Variants in MATR3 observed in about 807,000 individuals in gnomAD.
The protein encoded by MATR3 is matrin-3.
A neutral mutation model predicts 85.5 loss-of-function variants in MATR3; 4 were observed. The ratio of observed to expected loss-of-function variants is 0.05; its 90% CI spans 0.02 to 0.11. The LOEUF is 0.11. MATR3 is among the 10% of genes least tolerant of loss of function. The probability of loss-of-function intolerance (pLI) is 1.00; values close to 1 mark genes in which losing one functional copy is unlikely to be tolerated. For missense variants in MATR3, 685 were observed against 1,016.1 expected (o/e 0.67, Z 4.43); for synonymous variants, 336 against 343.1 (o/e 0.98, Z 0.23).
At chr5:139,319,533 A>G (rs1350874966) in intron 9 of MATR3, 32 bp downstream of exon 9, 1 of 1,568,956 alleles carries the variant, frequency 6.4e-7, no homozygotes, top group East Asian at 2.2e-5. Flanking sequence ...TAGAGAAGAT[A>G]ATTTATTAAA....
chr5:139,322,748 G>A lies in MATR3; in HGVS notation c.1929G>A (p.Gln643=), dbSNP rs553655919. The A allele has an allele frequency of 1.2e-6, 2 of 1,614,170 alleles. No homozygotes were observed. The highest frequency in any genetic ancestry group is 1.1e-5 in the South Asian group (1 of 91,080). The part of the protein sequence containing the change: ...EDGEKDTKDD[Q]TEQEPNMLLE... ...GTGAGAAAGACACAAAGGATGACCA[G>A]ACAGAGCAGGAACCTAATATGCTTC... The change falls in exon 12 of 15, where the codon CAG becomes CAA. Residue 643 remains glutamine, a synonymous_variant. Transcript: ENST00000394805.
At chr5:139,303,503 C>T (rs1339430542) in intron 1 of MATR3, among the ~76,000 whole-genome samples, 1 of 152,078 alleles carries the variant, frequency 6.6e-6, no homozygotes, top group Non-Finnish European at 1.5e-5. Context: ...GAGGTCAAGG[C>T]GGGAGGATTG....
intron 1 of MATR3, among the ~76,000 whole-genome samples, chr5:139,301,765 C>T (rs1754458597): frequency 6.6e-6 from 1 of 152,148 alleles, no homozygotes; most frequent in Non-Finnish European, 1.5e-5. Flanking sequence ...GGGTTTACTT[C>T]ATCAATTCTG....
chr5:139,296,593 GCTT>G (rs2151928340), intron 1 of MATR3, among the ~76,000 whole-genome samples: 1 of 152,320 alleles, frequency 6.6e-6, no homozygotes, highest in South Asian at 2.1e-4. Flanking sequence ...CAAACTAGCT[GCTT>G]CAAGTCTGAA....
chr5:139,326,137 G>C, intron 13 of MATR3, 26 bp from the exon 14 acceptor site: 1 of 1,559,828 alleles, frequency 6.4e-7, no homozygotes, highest in Non-Finnish European at 8.8e-7. Context: ...AGTTTAATTT[G>C]TAAGAATGTA....
chr5:139,307,341 T>G lies in MATR3; in HGVS notation c.-75T>G, dbSNP rs1754760931. 1 of 1,553,538 alleles carries G rather than the reference T, an allele frequency of 6.4e-7. No individual in the cohort carries two copies. The highest frequency in any genetic ancestry group is 2.1e-5 in the Admixed American group (1 of 48,748). Reference sequence around the variant, plus strand: ...AGCAAAGTTAACCTAGCTTTCTAGTTTGAGCTTTCTTTTTGGCCGTCTTTA... The same window carrying G: ...AGCAAAGTTAACCTAGCTTTCTAGTGTGAGCTTTCTTTTTGGCCGTCTTTA... On this transcript the variant is annotated 5_prime_UTR_variant, in exon 2 of 15. Transcript: ENST00000394805. This position sits in a 1 kb window ranked among gnomAD's most constrained non-coding sequence, Gnocchi z 4.4.
At chr5:139,291,464 G>C (rs1753867480), upstream of MATR3, among the ~76,000 whole-genome samples, 1 of 150,964 alleles carries the variant, frequency 6.6e-6, no homozygotes, top group Non-Finnish European at 1.5e-5. Flanking sequence ...ATTAGATTGA[G>C]ATAAAGTAAT....
chr5:139,328,314 GAT>G (rs1755962905), intron 14 of MATR3, among the ~76,000 whole-genome samples: 1 of 152,074 alleles, frequency 6.6e-6, no homozygotes, highest in Non-Finnish European at 1.5e-5. Context: ...TTCTTTAAAA[GAT>G]ATAATGGCTT....
Position 139,321,916 on chromosome 5 carries a change from A to G in MATR3, c.1621A>G (p.Thr541Ala). The change falls in exon 10 of 15, where the codon ACA (threonine) becomes GCA (alanine). Residue 541 changes from threonine to alanine, a missense_variant. Around this residue, in one of 9 missense-constraint regions of MATR3, gnomAD observed 50 missense variants for 133.4 expected, o/e 0.37. Transcript: ENST00000394805. ...MKSQAFIEME[T>A]REDAMAMVDH... The stretch of plus-strand genomic sequence containing the variant: ...TTTTAAGGCTTTTATTGAGATGGAG[A>G]CAAGAGAAGATGCAATGGCAATGGT... The G allele has an allele frequency of 6.2e-7, 1 of 1,613,786 alleles. No homozygotes were observed. The highest frequency in any genetic ancestry group is 8.5e-7 in the Non-Finnish European group (1 of 1,179,984).
intron 8 of MATR3, 69 bp downstream of exon 8, chr5:139,319,102 A>G: frequency 6.6e-7 from 1 of 1,518,462 alleles, no homozygotes; most frequent in Non-Finnish European, 9.1e-7. Flanking sequence ...AACTGTGGTT[A>G]TTTCAAATTA....
chr5:139,326,153 G>A lies in MATR3; in HGVS notation c.2372-10G>A. 6.3e-7 allele frequency: 1 copy of A among 1,588,276 alleles called. No individual in the cohort carries two copies. The highest frequency in any genetic ancestry group is 8.6e-7 in the Non-Finnish European group (1 of 1,158,718). ...GTTTAATTTGTAAGAATGTATGTTT[G>A]TATTTCTAGGTATAGACTATGTGAT... On this transcript the variant is annotated splice_polypyrimidine_tract_variant and intron_variant, in intron 13 of 14. Transcript: ENST00000394805.
chr5:139,274,226 G>C, intron 1 of MATR3: 1 of 360,472 alleles, frequency 2.8e-6, no homozygotes. Context: ...AAGCAGTGCA[G>C]GGTGGCTTCT....
chr5:139,290,191 T>C (rs1753825590), upstream of MATR3, among the ~76,000 whole-genome samples: 3 of 152,020 alleles, frequency 2.0e-5, no homozygotes, highest in South Asian at 6.2e-4. Context: ...CTTTTTTTTT[T>C]TTGAGACAGA....
At chr5:139,288,009 G>A (rs542654000) in intron 3 of MATR3, among the ~76,000 whole-genome samples, 10 of 152,168 alleles carry the variant, frequency 6.6e-5, no homozygotes, top group African/African-American at 2.2e-4. Context: ...CCAGGAGTTC[G>A]ACACCAGCCT....
intron 1 of MATR3, chr5:139,294,937 T>C (rs1754066780): frequency 6.6e-6 from 1 of 152,218 alleles, no homozygotes; most frequent in African/African-American, 2.4e-5. Flanking sequence ...GTTATGGTGG[T>C]TCTGAAATGG....
exon 1 of MATR3, chr5:139,274,125 G>T (rs1396835297): frequency 2.2e-6 from 1 of 446,646 alleles, no homozygotes; most frequent in Non-Finnish European, 4.5e-6. Context: ...GCCTCTGCCG[G>T]TGCTGCTGCG....
Position 139,315,713 on chromosome 5 carries a change from C to A in MATR3, c.991C>A (p.Pro331Thr). The change falls in exon 4 of 15, where the codon CCT (proline) becomes ACT (threonine). Residue 331 changes from proline to threonine, a missense_variant. This residue lies in a region of MATR3 where 223 missense variants were observed against 334.4 expected (regional missense o/e 0.67). Transcript: ENST00000394805. ...LLLEIYPEWN[P>T]DNDTGHTMGD... is the part of the protein sequence containing the mutation. ...TTTTTAAAGCTACCCAGAATGGAAT[C>A]CTGACAATGATACAGGACACACAAT... The A allele has an allele frequency of 6.2e-7, 1 of 1,611,316 alleles. No individual in the cohort carries two copies. Among genetic ancestry groups the A allele is most frequent in the Non-Finnish European group, 8.5e-7 (1 of 1,177,736 alleles).
intron 3 of MATR3, among the ~76,000 whole-genome samples, chr5:139,284,431 G>A (rs188365845): frequency 6.7e-4 from 102 of 152,094 alleles, no homozygotes; most frequent in African/African-American, 2.1e-3. Flanking sequence ...GTGAAACCCC[G>A]TCTCTACAAA....
At chr5:139,275,406 T>C (rs1027793619) in intron 1 of MATR3, among the ~76,000 whole-genome samples, 27 of 152,080 alleles carry the variant, frequency 1.8e-4, no homozygotes, top group African/African-American at 4.8e-5. Flanking sequence ...GCTGTTTTTA[T>C]TGTCCTTCAG....
Sources: allele counts gnomAD v4.1 joint callset (sites outside exome capture counted in the v4.1 genomes callset), GRCh38; gene constraint gnomAD v4.1.1; regional missense constraint gnomAD v4.1.1; non-coding constraint Gnocchi (gnomAD v3.1); transcripts MANE v1.5; gene names NCBI Gene and HGNC (gene_info 2026-07-23, HGNC 2026-07-21).